The following MACROD2 variants were observed in gnomAD, a reference collection of about 807,000 sequenced individuals.
MACROD2 encodes mono-ADP ribosylhydrolase 2.
Under a neutral mutation model 70.4 loss-of-function variants are expected in MACROD2, and 36 were observed. The ratio of observed to expected loss-of-function variants is 0.51; its 90% confidence interval spans 0.39 to 0.68. MACROD2 has a LOEUF of 0.68. MACROD2 is among the 30% of genes least tolerant of loss of function. The pLI is 0.00. For synonymous variants in MACROD2, 172 were observed against 178.8 expected (o/e 0.96, Z 0.30); for missense variants, 496 against 538.4 (o/e 0.92, Z 0.78).
At chr20:15,051,330 A>T (rs2075438146) in intron 5 of MACROD2, among the ~76,000 whole-genome samples, 1 of 147,388 alleles carries the variant, frequency 6.8e-6, no homozygotes, top group Non-Finnish European at 1.5e-5. Context: ...ACCAGAAATC[A>T]GTAGGAGATG....
intron 3 of MACROD2, among the ~76,000 whole-genome samples, chr20:14,335,827 C>T (rs894562362): frequency 2.6e-5 from 4 of 152,106 alleles, no homozygotes; most frequent in Admixed American, 2.6e-4. Flanking sequence ...TTTTGTAACT[C>T]TGTTTTTATT....
At chr20:15,779,430 T>A (rs1203816033) in intron 8 of MACROD2, among the ~76,000 whole-genome samples, 1 of 152,168 alleles carries the variant, frequency 6.6e-6, no homozygotes, top group Non-Finnish European at 1.5e-5. Flanking sequence ...ATATTTTGCT[T>A]TGCTTAATTC....
chr20:15,678,975 G>A (rs951337700), intron 8 of MACROD2, among the ~76,000 whole-genome samples: 5 of 152,116 alleles, frequency 3.3e-5, no homozygotes, highest in Non-Finnish European at 5.9e-5. Context: ...GGTGGCTCAC[G>A]CCTGTAATCC....
chr20:14,933,648 A>G (rs942335996), intron 5 of MACROD2, among the ~76,000 whole-genome samples: 1 of 151,792 alleles, frequency 6.6e-6, no homozygotes, highest in Non-Finnish European at 1.5e-5. Context: ...AAAAAAAAAA[A>G]GTAAAGTTTC....
chr20:15,274,222 G>A (rs952628103), intron 6 of MACROD2, among the ~76,000 whole-genome samples: 4 of 152,168 alleles, frequency 2.6e-5, no homozygotes, highest in African/African-American at 9.7e-5. Context: ...GGATCTATTT[G>A]TAATAGGATG....
chr20:15,153,465 G>T (rs970404894), intron 5 of MACROD2, among the ~76,000 whole-genome samples: 1 of 152,134 alleles, frequency 6.6e-6, no homozygotes, highest in Non-Finnish European at 1.5e-5. Context: ...CAGGTCACAG[G>T]GGATATGATG....
At chr20:14,311,692 A>G (rs1019367533) in intron 3 of MACROD2, among the ~76,000 whole-genome samples, 3 of 151,824 alleles carry the variant, frequency 2.0e-5, no homozygotes, top group Non-Finnish European at 4.4e-5. Flanking sequence ...TAATTTTTGT[A>G]TTTTTAGTAG....
intron 5 of MACROD2, among the ~76,000 whole-genome samples, chr20:15,191,929 T>TAG (rs71950480): frequency 3.9e-4 from 34 of 86,436 alleles, no homozygotes; most frequent in South Asian, 3.5e-3. Flanking sequence ...TATATATATA[T>TAG]ATAGAGAGAG....
intron 4 of MACROD2, among the ~76,000 whole-genome samples, chr20:14,651,345 G>A (rs1462020938): frequency 1.3e-5 from 2 of 152,122 alleles, no homozygotes; most frequent in African/African-American, 2.4e-5. Context: ...GGAAATTGGT[G>A]CCTCCACAGC....
At chr20:14,283,398 A>T (rs1428841669) in intron 3 of MACROD2, among the ~76,000 whole-genome samples, 1 of 152,156 alleles carries the variant, frequency 6.6e-6, no homozygotes, top group Non-Finnish European at 1.5e-5. Flanking sequence ...TCAATATGGT[A>T]TAAAAAATGG....
intron 5 of MACROD2, among the ~76,000 whole-genome samples, chr20:14,809,041 C>T (rs1473081381): frequency 6.6e-6 from 1 of 152,036 alleles, no homozygotes; most frequent in East Asian, 1.9e-4. Flanking sequence ...AGAAAATTAA[C>T]AAGGATATTC....
chr20:15,518,347 G>A (rs1194542961), intron 8 of MACROD2, among the ~76,000 whole-genome samples: 3 of 152,234 alleles, frequency 2.0e-5, no homozygotes, highest in African/African-American at 7.2e-5. Context: ...AAAATAGCTT[G>A]TGAATGATTT....
chr20:15,918,611 G>C (rs1434069734), intron 10 of MACROD2, among the ~76,000 whole-genome samples: 2 of 152,174 alleles, frequency 1.3e-5, no homozygotes, highest in Non-Finnish European at 2.9e-5. Context: ...GGTTTATCAA[G>C]TCCAAGATCA....
intron 5 of MACROD2, among the ~76,000 whole-genome samples, chr20:14,892,183 T>C (rs2073769506): frequency 6.6e-6 from 1 of 152,260 alleles, no homozygotes; most frequent in East Asian, 1.9e-4. Context: ...ATTAAATTTC[T>C]AAATGTGGGC....
At chr20:14,870,928 C>A (rs1262081913) in intron 5 of MACROD2, among the ~76,000 whole-genome samples, 7 of 152,136 alleles carry the variant, frequency 4.6e-5, no homozygotes, top group African/African-American at 1.7e-4. Context: ...GATTCCTTTG[C>A]TGTGCAGAAG....
chr20:15,813,308 GATGA>G (rs1179949145), intron 8 of MACROD2, among the ~76,000 whole-genome samples: 6 of 152,158 alleles, frequency 3.9e-5, no homozygotes, highest in African/African-American at 1.4e-4. Context: ...TTTCTAAAAT[GATGA>G]ATGCTCATAT....
At chr20:14,439,143 A>G (rs1391386016) in intron 3 of MACROD2, among the ~76,000 whole-genome samples, 9 of 152,110 alleles carry the variant, frequency 5.9e-5, no homozygotes, top group Admixed American at 1.3e-4. Context: ...TTGTAGCACT[A>G]TTTGTTGAGG....
intron 4 of MACROD2, among the ~76,000 whole-genome samples, chr20:14,516,205 TTAA>T (rs2085098387): frequency 6.6e-6 from 1 of 151,816 alleles, no homozygotes; most frequent in Non-Finnish European, 1.5e-5. Flanking sequence ...AATGTTCTAT[TTAA>T]TAATACTATT....
At chr20:14,798,529 C>T (rs553107201) in intron 5 of MACROD2, among the ~76,000 whole-genome samples, 1 of 151,962 alleles carries the variant, frequency 6.6e-6, no homozygotes, top group Non-Finnish European at 1.5e-5. Flanking sequence ...TTTGTCTCAT[C>T]ACTGGATTTC....
Sources: allele counts gnomAD v4.1 joint callset (sites outside exome capture counted in the v4.1 genomes callset), GRCh38; gene constraint gnomAD v4.1.1; transcripts MANE v1.5; gene names NCBI Gene and HGNC (gene_info 2026-07-23, HGNC 2026-07-21).